ERG: variants seen among roughly 807,000 people sequenced by gnomAD.
The protein encoded by ERG is ETS transcription factor ERG, also known as transcriptional regulator ERG.
ERG carries 9 observed loss-of-function variants against 55.3 expected under a neutral mutation model. The observed-to-expected ratio is 0.16, with a 90% CI of 0.10 to 0.28. The LOEUF (loss-of-function observed/expected upper bound fraction) is 0.28, where lower values mean the gene tolerates loss of function less well. Among genes scored for constraint, ERG ranks in the 10% least tolerant of loss-of-function variants. The pLI is 1.00. For missense variants in ERG, 434 were observed against 631.6 expected, an observed-to-expected ratio of 0.69 and a Z score of 3.35; for synonymous variants, 223 against 237.3, an observed-to-expected ratio of 0.94 and a Z score of 0.55.
At chr21:38,642,139 T>C (rs1601345216) in intron 1 of ERG, among the ~76,000 whole-genome samples, 1 of 152,246 alleles carries the variant, frequency 6.6e-6, no homozygotes, top group East Asian at 1.9e-4. Flanking sequence ...CCTATGAACA[T>C]GGGCAGATAC....
At chr21:38,415,051 C>A (rs1377251648) in intron 3 of ERG, among the ~76,000 whole-genome samples, 1 of 152,216 alleles carries the variant, frequency 6.6e-6, no homozygotes, top group Non-Finnish European at 1.5e-5. Context: ...ATGTCTACAA[C>A]AATTTAACAA....
At chr21:38,437,512 T>C (rs2146537598) in intron 2 of ERG, among the ~76,000 whole-genome samples, 1 of 152,316 alleles carries the variant, frequency 6.6e-6, no homozygotes, top group South Asian at 2.1e-4. Flanking sequence ...TAAGATCCAC[T>C]GAGCTCAGGC....
At position 38,610,758 on chromosome 21, in the gene ERG, C is replaced by T. The variant is rs190193038; in HGVS notation, c.-149-25813G>A. ...ACATGGGCTGGACTGTGCATCTTGG[C>T]CACCTCTAATGCAATGCAACACCAA... On this transcript the variant is annotated intron_variant, in intron 1 of 10. Transcript: ENST00000398910. Among the ~76,000 whole-genome samples the T allele has an allele frequency of 8.5e-5, 13 of 152,302 alleles. No homozygotes were observed. The East Asian group carries it at 1.9e-3, about 23-fold the overall frequency.
chr21:38,625,837 G>A lies in ERG; in HGVS notation c.-150+35821C>T, dbSNP rs541736675. On this transcript the variant is annotated intron_variant, in intron 1 of 10. Coordinates refer to the ERG transcript ENST00000398910. ...ATTAATATGATTGGCGATATGGTGC[G>A]TATTTAGAATAATCTGAGATGAAAC... Among the ~76,000 whole-genome samples, 215 of 151,074 alleles carry A rather than the reference G, an allele frequency of 1.4e-3. 1 individual carries two copies. Among genetic ancestry groups the A allele is most frequent in the African/African-American group, 5.1e-3 (210 of 41,050 alleles).
chr21:38,561,837 T>C (rs1336295187), intron 2 of ERG, among the ~76,000 whole-genome samples: 1 of 152,196 alleles, frequency 6.6e-6, no homozygotes, highest in Non-Finnish European at 1.5e-5. Context: ...AACAAGACTT[T>C]CCAGAAAATC....
intron 2 of ERG, among the ~76,000 whole-genome samples, chr21:38,433,128 A>G (rs1990294982): frequency 6.6e-6 from 1 of 152,208 alleles, no homozygotes; most frequent in East Asian, 1.9e-4. Context: ...TTTGCAGTTA[A>G]GCGTTCTATG....
intron 1 of ERG, among the ~76,000 whole-genome samples, chr21:38,644,410 C>T (rs539578575): frequency 3.3e-5 from 5 of 152,308 alleles, no homozygotes; most frequent in African/African-American, 1.2e-4. Context: ...CTGGCTTCCA[C>T]TTGTTTTCTG....
chr21:38,449,471 G>A (rs1319787691), intron 1 of ERG, among the ~76,000 whole-genome samples: 1 of 152,138 alleles, frequency 6.6e-6, no homozygotes, highest in East Asian at 1.9e-4. Flanking sequence ...TTGGATTTTG[G>A]TCATGGGATA....
chr21:38,375,259 T>C (rs1987211569), downstream of ERG, among the ~76,000 whole-genome samples: 1 of 152,164 alleles, frequency 6.6e-6, no homozygotes, highest in Admixed American at 6.5e-5. Flanking sequence ...CTGTGCTGTT[T>C]TACCTCTGAG....
intron 2 of ERG, among the ~76,000 whole-genome samples, chr21:38,549,272 A>G (rs188902648): frequency 1.3e-5 from 2 of 152,294 alleles, no homozygotes; most frequent in East Asian, 3.9e-4. Flanking sequence ...CATCATACTA[A>G]AGGCATCATC....
chr21:38,531,710 T>A (rs534251247), intron 2 of ERG, among the ~76,000 whole-genome samples: 4 of 152,196 alleles, frequency 2.6e-5, no homozygotes, highest in Non-Finnish European at 4.4e-5. Context: ...GAATTCAATT[T>A]AAAAAATCAT....
chr21:38,532,216 G>C (rs1261697836), intron 2 of ERG, among the ~76,000 whole-genome samples: 1 of 152,090 alleles, frequency 6.6e-6, no homozygotes, highest in Non-Finnish European at 1.5e-5. Flanking sequence ...TGGGCACATG[G>C]GGGTTTCAAC....
chr21:38,402,904 A>C (rs2146454998), intron 4 of ERG, among the ~76,000 whole-genome samples: 1 of 152,192 alleles, frequency 6.6e-6, no homozygotes, highest in Middle Eastern at 3.4e-3. Context: ...ATGGAGGAGA[A>C]TTTATCCACC....
At chr21:38,391,071 C>T (rs1262362091) in intron 8 of ERG, 29 bp from the exon 9 acceptor site, 2 of 1,589,226 alleles carry the variant, frequency 1.3e-6, no homozygotes, top group Non-Finnish European at 1.7e-6. Flanking sequence ...AAGTCAAATC[C>T]TAGACATAGT....
chr21:38,424,187 GCT>G (rs1227355474), intron 2 of ERG, among the ~76,000 whole-genome samples: 36 of 110,128 alleles, frequency 3.3e-4, no homozygotes, highest in African/African-American at 4.8e-4. Flanking sequence ...CAGAGCTCGA[GCT>G]CTCTCTCTCT....
chr21:38,383,817 C>T lies in ERG; in HGVS notation c.1026G>A (p.Thr342=), dbSNP rs779946535. The T allele has an allele frequency of 3.1e-6, 5 of 1,614,160 alleles. No individual in the cohort carries two copies. The highest frequency in any genetic ancestry group is 3.3e-4 in the Middle Eastern group (2 of 6,062). ...AGCGCCGGGCCACCTCGTCGGGATC[C>T]GTCATCTTGAACTCCCCGTTGGTGC... ...WEGTNGEFKM[T]DPDEVARRWG... Residue 342 remains threonine, a synonymous_variant, in exon 10 of 10, where the codon ACG becomes ACA. Transcript: ENST00000288319. This position sits in a 1 kb window ranked among gnomAD's most constrained non-coding sequence, Gnocchi z 5.7.
At chr21:38,613,889 G>A (rs544049254) in intron 1 of ERG, among the ~76,000 whole-genome samples, 1 of 152,266 alleles carries the variant, frequency 6.6e-6, no homozygotes, top group East Asian at 1.9e-4. Context: ...AGGTCCTGCT[G>A]ACCAAGCCTC....
At chr21:38,634,325 C>T (rs756883764) in intron 1 of ERG, among the ~76,000 whole-genome samples, 6 of 152,098 alleles carry the variant, frequency 3.9e-5, no homozygotes, top group East Asian at 1.9e-4. Context: ...AAAGTAGATA[C>T]GATGATGGAG....
intron 1 of ERG, among the ~76,000 whole-genome samples, chr21:38,630,884 C>T (rs2060352503): frequency 6.6e-6 from 1 of 152,172 alleles, no homozygotes; most frequent in African/African-American, 2.4e-5. Flanking sequence ...CATAGTTATT[C>T]ACCATATACC....
Sources: gnomAD v4.1 joint callset for allele counts (sites outside exome capture counted in the v4.1 genomes callset) on GRCh38, gnomAD v4.1.1 for gene constraint, Gnocchi (gnomAD v3.1) non-coding constraint, MANE v1.5 for transcripts, NCBI Gene and HGNC (gene_info 2026-07-23, HGNC 2026-07-21) for gene names.